ATP2B4: variants seen among roughly 807,000 people sequenced by gnomAD.
ATP2B4 encodes the protein plasma membrane calcium-transporting ATPase 4.
In ATP2B4, 39 loss-of-function variants were observed where a neutral mutation model predicts 110.3. The ratio of observed to expected loss-of-function variants is 0.35; its 90% CI spans 0.27 to 0.46. The LOEUF (loss-of-function observed/expected upper bound fraction) is 0.46. Ranked by LOEUF, ATP2B4 falls within the 20% of genes least tolerant of loss-of-function variation. The pLI is 1.00. For synonymous variants in ATP2B4, 538 were observed against 571.7 expected (o/e 0.94, Z 0.84); for missense variants, 1,135 against 1,530.9 (o/e 0.74, Z 4.32).
chr1:203,707,262 A>T (rs999546384), intron 9 of ATP2B4, 39 bp downstream of exon 9: 2 of 1,563,598 alleles, frequency 1.3e-6, no homozygotes, highest in Non-Finnish European at 1.8e-6. Flanking sequence ...TTTAGGATAG[A>T]GATGGGAGAG....
intron 1 of ATP2B4, among the ~76,000 whole-genome samples, chr1:203,636,716 A>G (rs1360547480): frequency 1.3e-5 from 2 of 152,212 alleles, no homozygotes; most frequent in Non-Finnish European, 2.9e-5. Context: ...GCACTGTTAC[A>G]TGAAACCAAG....
intron 1 of ATP2B4, chr1:203,657,479 A>T (rs1207242973): frequency 1.8e-5 from 14 of 785,396 alleles, no homozygotes; most frequent in Non-Finnish European, 3.3e-5. Flanking sequence ...TGTCCAGCAG[A>T]TAAGCAGGTA....
At chr1:203,651,456 C>T (rs1571681944) in intron 1 of ATP2B4, among the ~76,000 whole-genome samples, 2 of 152,268 alleles carry the variant, frequency 1.3e-5, no homozygotes, top group East Asian at 3.9e-4. Flanking sequence ...TTGCATCCAC[C>T]TATGACCCTT....
At position 203,721,226 on chromosome 1, in the gene ATP2B4, G is replaced by C; in HGVS notation, c.2628G>C (p.Leu876Phe). 2 of 1,614,214 alleles carry C rather than the reference G, an allele frequency of 1.2e-6. No homozygotes were observed. The highest frequency in any genetic ancestry group is 1.7e-6 in the Non-Finnish European group (2 of 1,180,032). ...QDSPLKAVQM[L>F]WVNLIMDTFA... is the part of the protein sequence containing the mutation. Reference sequence around the variant, plus strand: ...CCCCATTGAAAGCTGTGCAGATGTTGTGGGTTAATCTGATCATGGACACTT... The same window carrying C: ...CCCCATTGAAAGCTGTGCAGATGTTCTGGGTTAATCTGATCATGGACACTT... The change falls in exon 17 of 21, where the codon TTG becomes TTC. Residue 876 changes from leucine to phenylalanine, a missense_variant. Around this residue, in one of 9 missense-constraint regions of ATP2B4, gnomAD observed 70 missense variants for 142.4 expected, o/e 0.49. Coordinates refer to ENST00000357681, the MANE Select transcript of ATP2B4 (RefSeq NM_001684.5).
At chr1:203,657,648 T>C in intron 1 of ATP2B4, 3 of 842,792 alleles carry the variant, frequency 3.6e-6, no homozygotes, top group South Asian at 1.3e-5. Context: ...TGAACGTTCA[T>C]GAGCCTCTCG....
chr1:203,724,866 TG>T (rs1330047713), intron 19 of ATP2B4, among the ~76,000 whole-genome samples: 25,247 of 106,914 alleles, frequency 0.24, 4,194 homozygotes, highest in Admixed American at 0.35. Flanking sequence ...TCCAGCTCTC[TG>T]TTTTTTTTTT....
At position 203,733,253 on chromosome 1, in the gene ATP2B4, G is replaced by T. The variant is rs773711860; in HGVS notation, c.3309+5682G>T. On this transcript the variant is annotated intron_variant, in intron 20 of 20. Coordinates refer to ENST00000357681, the MANE Select transcript of ATP2B4 (RefSeq NM_001684.5). ...CGTAATTAACACATTCCAGACGGGAGCCTCTTTTAAGGGAGTCCTAAGGCG... is the reference window on the plus strand; with the variant it reads ...CGTAATTAACACATTCCAGACGGGATCCTCTTTTAAGGGAGTCCTAAGGCG... 4.0e-5 allele frequency: 65 copies of T among 1,613,426 alleles called. No individual in the cohort carries two copies. The highest frequency in any genetic ancestry group is 5.3e-5 in the Non-Finnish European group (63 of 1,179,714).
intron 2 of ATP2B4, among the ~76,000 whole-genome samples, chr1:203,697,551 C>G (rs1665568443): frequency 6.6e-6 from 1 of 152,152 alleles, no homozygotes; most frequent in Non-Finnish European, 1.5e-5. Context: ...ATACTTGTTA[C>G]TAAGATAAGT....
intron 1 of ATP2B4, among the ~76,000 whole-genome samples, chr1:203,646,018 A>T (rs1663789045): frequency 6.6e-6 from 1 of 151,836 alleles, no homozygotes; most frequent in Non-Finnish European, 1.5e-5. Flanking sequence ...GGTGTACTTT[A>T]ATCCAAATGG....
In ATP2B4 at chr1:203,719,401, T is replaced by C. The variant is rs140167007; in HGVS notation, c.2407-1148T>C. ...GTCGTTTTTGGTGTATTCTTCTGTT[T>C]GCTCCTTTAAAGTATAATCAAATGC... On this transcript the variant is annotated intron_variant, in intron 15 of 20. Coordinates refer to ENST00000357681, the MANE Select transcript of ATP2B4 (RefSeq NM_001684.5). 1.8e-3 allele frequency among the ~76,000 whole-genome samples: 278 copies of C among 152,120 alleles called. 1 individual carries two copies. Among genetic ancestry groups the C allele is most frequent in the African/African-American group, 6.3e-3 (263 of 41,504 alleles).
chr1:203,687,992 G>GAGATTATTATTA (rs1665249039), intron 2 of ATP2B4, among the ~76,000 whole-genome samples: 1 of 121,976 alleles, frequency 8.2e-6, no homozygotes, highest in Non-Finnish European at 1.7e-5. Context: ...GAGAGAGAAA[G>GAGATTATTATTA]AGATTATTAT....
In ATP2B4 at chr1:203,683,170, C is replaced by T. The variant is rs372669818; in HGVS notation, c.-36C>T. 9.4e-6 allele frequency: 15 copies of T among 1,599,398 alleles called. No homozygotes were observed. In the African/African-American group the frequency reaches 1.9e-4, roughly 20 times the overall value. ...GGTCAGTTGAAGGGAAACGCTACAT[C>T]TTCTCTGGTTGAGGGGCTTGGTAAC... On this transcript the variant is annotated 5_prime_UTR_variant, in exon 2 of 21. Transcript: ENST00000357681.
At chr1:203,695,370 A>C (rs1265610701) in intron 2 of ATP2B4, among the ~76,000 whole-genome samples, 1 of 152,172 alleles carries the variant, frequency 6.6e-6, no homozygotes. Flanking sequence ...CCTGCCCAGA[A>C]CACTCCTTTC....
chr1:203,692,405 C>T lies in ATP2B4; in HGVS notation c.194-5752C>T, dbSNP rs1302799694. On this transcript the variant is annotated intron_variant, in intron 2 of 20. Coordinates refer to ENST00000357681, the MANE Select transcript of ATP2B4 (RefSeq NM_001684.5). ...TATTGCCCCGGCTGGTCTCGAACTC[C>T]TGAGCTCAAGCTATCCTCCCACCTT... Among the ~76,000 whole-genome samples the T allele has an allele frequency of 2.6e-5, 4 of 152,230 alleles. No individual in the cohort carries two copies. The East Asian group carries it at 5.8e-4, about 22-fold the overall frequency.
chr1:203,641,784 G>A (rs1434630706), intron 1 of ATP2B4, among the ~76,000 whole-genome samples: 10 of 152,070 alleles, frequency 6.6e-5, no homozygotes, highest in African/African-American at 1.4e-4. Context: ...CAAAGCTCAC[G>A]GCCCTTCTAA....
At chr1:203,714,930 G>C (rs1666117546) in intron 15 of ATP2B4, among the ~76,000 whole-genome samples, 1 of 151,934 alleles carries the variant, frequency 6.6e-6, no homozygotes, top group African/African-American at 2.4e-5. Flanking sequence ...TTTTTTTTAA[G>C]GGTTTTATTC....
chr1:203,658,832 C>T (rs1421531250), intron 1 of ATP2B4, among the ~76,000 whole-genome samples: 7 of 151,772 alleles, frequency 4.6e-5, no homozygotes, highest in African/African-American at 1.5e-4. Context: ...GGTGAAACCC[C>T]GTCTCTACTA....
At chr1:203,664,985 C>G (rs146447809) in intron 1 of ATP2B4, among the ~76,000 whole-genome samples, 3,138 of 152,260 alleles carry the variant, frequency 0.021, 102 homozygotes, top group African/African-American at 0.069. Context: ...GCGCCTGCCA[C>G]CGCGCCTGGC....
At chr1:203,714,702 G>A (rs1435055105) in intron 15 of ATP2B4, among the ~76,000 whole-genome samples, 2 of 152,056 alleles carry the variant, frequency 1.3e-5, no homozygotes, top group Non-Finnish European at 2.9e-5. Context: ...AGGCTCCACA[G>A]TTAGACGTCT....
Sources: allele counts gnomAD v4.1 joint callset (sites outside exome capture counted in the v4.1 genomes callset), GRCh38; gene constraint gnomAD v4.1.1; regional missense constraint gnomAD v4.1.1; transcripts MANE v1.5; gene names NCBI Gene and HGNC (gene_info 2026-07-23, HGNC 2026-07-21).